Variants in TRIM4 observed in about 807,000 individuals in gnomAD.
TRIM4 encodes E3 ubiquitin-protein ligase TRIM4.
In TRIM4, 29 loss-of-function variants were observed where a neutral mutation model predicts 33.7. The ratio of observed to expected loss-of-function variants is 0.86; its 90% CI spans 0.64 to 1.17. The LOEUF is 1.17. TRIM4 is among the 50% of genes most tolerant of loss of function. The pLI, the probability that TRIM4 is intolerant of heterozygous loss-of-function variation, is 0.00. For missense variants in TRIM4, 554 were observed against 593.7 expected (o/e 0.93, Z 0.69); for synonymous variants, 224 against 233.0 (o/e 0.96, Z 0.35).
chr7:99,905,797 A>G (rs1819288728), intron 3 of TRIM4, among the ~76,000 whole-genome samples: 1 of 152,226 alleles, frequency 6.6e-6, no homozygotes, highest in Admixed American at 6.5e-5. Context: ...ACGTAATGTG[A>G]GCAAAAGAAG....
intron 5 of TRIM4, among the ~76,000 whole-genome samples, chr7:99,896,597 G>A (rs1819020980): frequency 6.6e-6 from 1 of 152,182 alleles, no homozygotes; most frequent in African/African-American, 2.4e-5. Context: ...CAGACACAGT[G>A]CCATCCGTAC....
chr7:99,905,340 T>C (rs2151647283), intron 3 of TRIM4, among the ~76,000 whole-genome samples: 1 of 152,184 alleles, frequency 6.6e-6, no homozygotes, highest in East Asian at 1.9e-4. Context: ...CACATGTATG[T>C]CCTATGACCA....
intron 1 of TRIM4, chr7:99,916,634 C>T: frequency 1.3e-6 from 1 of 755,620 alleles, no homozygotes; most frequent in Non-Finnish European, 2.5e-6. Context: ...CATTCAACTC[C>T]AGCTCATTAT....
In TRIM4 at chr7:99,908,467, G is replaced by A. The variant is rs2151649002; in HGVS notation, c.720+115C>T. The A allele has an allele frequency of 3.7e-6, 3 of 816,034 alleles. No individual in the cohort carries two copies. In the South Asian group the frequency reaches 5.2e-5, roughly 14 times the overall value. The allele number at this position is 816,034 out of a possible 1,614,324, so 50.5% of individuals were successfully genotyped here. A position where few individuals can be genotyped will look rare whatever the true frequency, so the allele number is the denominator to read the frequency against. On this transcript the variant is annotated intron_variant, in intron 3 of 5. Coordinates refer to ENST00000349062, the MANE Select transcript of TRIM4 (RefSeq NM_033091.3). ...TTAGTTATGTGACAGCACAGAACTA[G>A]CAAGAGATAAGACATGTCTATGAAA... is the stretch of plus-strand genomic sequence containing the variant.
Position 99,891,350 on chromosome 7 carries a change from T to A in TRIM4, c.*813A>T, listed in dbSNP as rs1056063612. ...TCTCACTGAGTTGTGATGAGAGTCA[T>A]ATGCAACAGCATATGAAGAGGCTAG... On this transcript the variant is annotated 3_prime_UTR_variant, in exon 6 of 6. Coordinates refer to ENST00000349062, the MANE Select transcript of TRIM4 (RefSeq NM_033091.3). 6.6e-6 allele frequency: 1 copy of A among 152,244 alleles called. No homozygotes were observed. Among genetic ancestry groups the A allele is most frequent in the African/African-American group, 2.4e-5 (1 of 41,450 alleles). The allele number at this position is 152,244 out of a possible 1,614,324, so 9.4% of individuals were successfully genotyped here.
intron 3 of TRIM4, among the ~76,000 whole-genome samples, chr7:99,906,958 A>T (rs1819320421): frequency 6.6e-6 from 1 of 152,226 alleles, no homozygotes; most frequent in South Asian, 2.1e-4. Flanking sequence ...GGTAGCCATT[A>T]CCGGAAAAAG....
intron 5 of TRIM4, among the ~76,000 whole-genome samples, chr7:99,896,936 TGGCACA>T (rs1819028868): frequency 1.3e-5 from 2 of 152,228 alleles, no homozygotes; most frequent in African/African-American, 4.8e-5. Context: ...GTTGAGCTTG[TGGCACA>T]GGCAAGGGTG....
intron 1 of TRIM4, among the ~76,000 whole-genome samples, chr7:99,912,547 T>C (rs1018764713): frequency 8.0e-6 from 1 of 124,568 alleles, no homozygotes; most frequent in African/African-American, 3.3e-5. Context: ...AAAAAAATAA[T>C]ACCATAAACA....
intron 5 of TRIM4, among the ~76,000 whole-genome samples, chr7:99,894,458 T>A (rs1818967751): frequency 6.6e-6 from 1 of 150,702 alleles, no homozygotes; most frequent in Non-Finnish European, 1.5e-5. Flanking sequence ...AGGTCAGGAG[T>A]TCAAGACCAG....
Position 99,909,680 on chromosome 7 carries a change from C to G in TRIM4, c.394-20G>C. ...TTTCTCCTGCCAGCAGAAACACACA[C>G]AGGTAAGAAAACACATCTCCAACCA... is the stretch of plus-strand genomic sequence containing the variant. On this transcript the variant is annotated intron_variant, in intron 1 of 5. Coordinates refer to ENST00000349062, the MANE Select transcript of TRIM4 (RefSeq NM_033091.3). 6.3e-7 allele frequency: 1 copy of G among 1,574,832 alleles called. No individual in the cohort carries two copies. The highest frequency in any genetic ancestry group is 8.7e-7 in the Non-Finnish European group (1 of 1,148,038).
intron 5 of TRIM4, among the ~76,000 whole-genome samples, chr7:99,895,176 C>A (rs1213190782): frequency 6.6e-6 from 1 of 152,150 alleles, no homozygotes; most frequent in Non-Finnish European, 1.5e-5. Context: ...TGAGAAGTTT[C>A]TTCTTTCCAA....
intron 5 of TRIM4, chr7:99,902,142 G>A (rs2151645267): frequency 2.6e-6 from 2 of 765,234 alleles, no homozygotes; most frequent in Middle Eastern, 2.3e-4. Context: ...CACATATTGT[G>A]CCTGTTTTGT....
At chr7:99,905,585 AG>A (rs1819283079) in intron 3 of TRIM4, among the ~76,000 whole-genome samples, 1 of 152,168 alleles carries the variant, frequency 6.6e-6, no homozygotes, top group Non-Finnish European at 1.5e-5. Context: ...AGCTGAAGGC[AG>A]GCATGTCCTG....
At chr7:99,901,504 T>C (rs1819167089) in intron 5 of TRIM4, 1 of 152,208 alleles carries the variant, frequency 6.6e-6, no homozygotes, top group Admixed American at 6.5e-5. Flanking sequence ...TGTTTATTTC[T>C]ACCAATTTTC....
intron 5 of TRIM4, among the ~76,000 whole-genome samples, chr7:99,902,419 T>G (rs2527912): frequency 0.37 from 55,970 of 151,896 alleles, 11,372 homozygotes; most frequent in Non-Finnish European, 0.46. Flanking sequence ...AGCTAATTTT[T>G]GTATTTTAGT....
At position 99,916,829 on chromosome 7, in the gene TRIM4, T is replaced by C. The variant is rs776145999; in HGVS notation, c.393+2180A>G. The C allele has an allele frequency of 3.9e-6, 3 of 776,566 alleles. No individual in the cohort carries two copies. In the South Asian group the frequency reaches 4.0e-5, roughly 10 times the overall value. 48.1% of individuals were successfully genotyped at this position (776,566 alleles called of 1,614,324 possible). ...CATTCCCTGCCTTAAAACCCTTTTA[T>C]AACTCCCCACTGCCTGAAAGAGAAA... On this transcript the variant is annotated intron_variant, in intron 1 of 5. Transcript: ENST00000349062.
chr7:99,902,152 T>C (rs765091297), intron 5 of TRIM4: 1 of 765,256 alleles, frequency 1.3e-6, no homozygotes, highest in Non-Finnish European at 2.4e-6. Flanking sequence ...GCCTGTTTTG[T>C]TTTTGTGTTT....
Position 99,919,494 on chromosome 7 carries a change from A to T in TRIM4, c.-93T>A. 1 of 1,338,136 alleles carries T rather than the reference A, an allele frequency of 7.5e-7. No individual in the cohort carries two copies. Among genetic ancestry groups the T allele is most frequent in the Non-Finnish European group, 9.8e-7 (1 of 1,019,486 alleles). 82.9% of individuals were successfully genotyped at this position (1,338,136 alleles called of 1,614,324 possible). On this transcript the variant is annotated 5_prime_UTR_variant, in exon 1 of 6. Coordinates refer to ENST00000349062, the MANE Select transcript of TRIM4 (RefSeq NM_033091.3). ...CCGCGGGGAGGCCAGACGACTTCCG[A>T]ACCGCCGTCACCGCCTCACGTAAAA...
chr7:99,914,130 T>A (rs1819501948), intron 1 of TRIM4, among the ~76,000 whole-genome samples: 1 of 152,190 alleles, frequency 6.6e-6, no homozygotes, highest in African/African-American at 2.4e-5. Context: ...TCATCTTTTG[T>A]CTGACAACTA....
Sources: gnomAD v4.1 joint callset for allele counts (sites outside exome capture counted in the v4.1 genomes callset) on GRCh38, gnomAD v4.1.1 for gene constraint, MANE v1.5 for transcripts, NCBI Gene and HGNC (gene_info 2026-07-23, HGNC 2026-07-21) for gene names.